Variants in KAT8 observed in about 807,000 individuals in gnomAD.
KAT8 encodes the protein histone acetyltransferase KAT8.
A neutral mutation model predicts 62.9 loss-of-function variants in KAT8; 40 were observed. That is an observed-to-expected ratio of 0.64 (90% CI 0.49 to 0.83). The LOEUF (loss-of-function observed/expected upper bound fraction) is 0.83, where lower values mean the gene tolerates loss of function less well. Among genes scored for constraint, KAT8 ranks in the 40% least tolerant of loss-of-function variants. The pLI is 0.00. For synonymous variants in KAT8, 278 were observed against 254.5 expected, an observed-to-expected ratio of 1.09 and a Z score of -0.88; for missense variants, 387 against 614.8, an observed-to-expected ratio of 0.63 and a Z score of 3.92.
At chr16:31,122,606 G>C (rs1316584107) in intron 3 of KAT8, 1 of 152,212 alleles carries the variant, frequency 6.6e-6, no homozygotes, top group Non-Finnish European at 1.5e-5. Flanking sequence ...TTAGCTGGGC[G>C]CGGTGGCTTA....
At chr16:31,124,341 A>T (rs748741389) in intron 3 of KAT8, among the ~76,000 whole-genome samples, 3 of 152,220 alleles carry the variant, frequency 2.0e-5, no homozygotes, top group Non-Finnish European at 4.4e-5. Flanking sequence ...CATTGTGAGG[A>T]ACAAAATGAA....
intron 6 of KAT8, 130 bp from the exon 7 acceptor site, chr16:31,129,887 T>C: frequency 1.0e-6 from 1 of 995,544 alleles, no homozygotes; most frequent in Non-Finnish European, 1.5e-6. Flanking sequence ...GACCGAAGAC[T>C]CCTTCCAGTG....
At position 31,130,073 on chromosome 16, in the gene KAT8, G is replaced by A. The variant is rs751598293; in HGVS notation, c.828G>A (p.Leu276=). 3.7e-6 allele frequency: 6 copies of A among 1,613,546 alleles called. No individual in the cohort carries two copies. The highest frequency in any genetic ancestry group is 1.7e-5 in the Admixed American group (1 of 59,896). ...LAKLFLDHKT[L]YFDVEPFVFY... The stretch of plus-strand genomic sequence containing the variant: ...AGCTTTTCCTGGACCATAAGACACT[G>A]TACTTTGACGTGGAGCCGTTCGTCT... Residue 276 remains leucine, a synonymous_variant, in exon 7 of 11, where the codon CTG becomes CTA. Coordinates refer to ENST00000219797, the MANE Select transcript of KAT8 (RefSeq NM_032188.3).
intron 3 of KAT8, chr16:31,123,958 T>TA (rs1475435632): frequency 1.3e-5 from 2 of 152,216 alleles, no homozygotes; most frequent in African/African-American, 2.4e-5. Context: ...CCAGTGGTGA[T>TA]AAAATCAAAG....
chr16:31,119,542 C>T (rs1239434146), intron 1 of KAT8, among the ~76,000 whole-genome samples: 1 of 152,218 alleles, frequency 6.6e-6, no homozygotes, highest in African/African-American at 2.4e-5. Context: ...GTAAAATGAG[C>T]ATTGAATTTA....
chr16:31,130,495 C>T lies in KAT8; in HGVS notation c.1046C>T (p.Pro349Leu), dbSNP rs371895942. ...LSKLESTVGS[P>L]EKPLSDLGKL... is the part of the protein sequence containing the mutation. ...AAGCTGGAGAGCACAGTCGGCTCCC[C>T]GGAGAAGCCACTGTCTGACCTGGGC... The change falls in exon 9 of 11, where the codon CCG becomes CTG. Residue 349 changes from proline to leucine, a missense_variant. This residue lies in a region of KAT8 where 141 missense variants were observed against 222.5 expected (regional missense o/e 0.63). Transcript: ENST00000219797. 17 of 1,613,956 alleles carry T rather than the reference C, an allele frequency of 1.1e-5. No individual in the cohort carries two copies. The highest frequency in any genetic ancestry group is 4.0e-5 in the African/African-American group (3 of 74,922).
intron 3 of KAT8, among the ~76,000 whole-genome samples, chr16:31,123,340 C>G (rs1197960958): frequency 6.6e-6 from 1 of 152,064 alleles, no homozygotes; most frequent in African/African-American, 2.4e-5. Flanking sequence ...CCGCAGCCTC[C>G]CAAGTAGCTG....
intron 3 of KAT8, chr16:31,123,687 T>C (rs1263150973): frequency 2.0e-5 from 3 of 152,186 alleles, no homozygotes; most frequent in African/African-American, 7.2e-5. Flanking sequence ...TTATTTTTTA[T>C]TTTTAGTAGA....
In KAT8 at chr16:31,120,372, A is replaced by G. The variant is rs774472230; in HGVS notation, c.320A>G (p.Asn107Ser). The part of the protein sequence containing the change: ...NRRLDEWVDK[N>S]RLALTKTVKD... Reference sequence around the variant, plus strand: ...CGGCTGGACGAGTGGGTAGACAAGAACCGGCTGGCGCTGACCAAGACAGTG... The same window carrying G: ...CGGCTGGACGAGTGGGTAGACAAGAGCCGGCTGGCGCTGACCAAGACAGTG... Residue 107 changes from asparagine (N) to serine (S), a missense_variant, in exon 3 of 11, where the codon AAC becomes AGC. Coordinates refer to ENST00000219797, the MANE Select transcript of KAT8 (RefSeq NM_032188.3). 2.5e-6 allele frequency: 4 copies of G among 1,614,020 alleles called. No individual in the cohort carries two copies. In the South Asian group the frequency reaches 4.4e-5, roughly 18 times the overall value.
chr16:31,130,207 G>A, intron 7 of KAT8, 50 bp downstream of exon 7: 1 of 1,612,780 alleles, frequency 6.2e-7, no homozygotes, highest in Non-Finnish European at 8.5e-7. Flanking sequence ...GGCGAAGGTG[G>A]GCATGAACAG....
At chr16:31,127,569 C>T (rs1390622671) in intron 5 of KAT8, among the ~76,000 whole-genome samples, 9 of 152,206 alleles carry the variant, frequency 5.9e-5, no homozygotes, top group Admixed American at 5.2e-4. Context: ...GACCTCAGCT[C>T]CTCTTCTCTG....
rs564866253 is a variant in KAT8, at chr16:31,118,190, C to G, written c.211+298C>G. ...TCTTAGGCTTCATTCCTTTTTCTTGCTAACGCTGCTTCCTCACCCTCTCTT... is the reference window on the plus strand; with the variant it reads ...TCTTAGGCTTCATTCCTTTTTCTTGGTAACGCTGCTTCCTCACCCTCTCTT... On this transcript the variant is annotated intron_variant, in intron 1 of 10. Coordinates refer to ENST00000219797, the MANE Select transcript of KAT8 (RefSeq NM_032188.3). The G allele has an allele frequency of 5.5e-5, 18 of 324,686 alleles. 1 individual carries two copies. In the East Asian group the frequency reaches 5.6e-4, roughly 10 times the overall value. 20.1% of individuals were successfully genotyped at this position (324,686 alleles called of 1,614,324 possible). A position where few individuals can be genotyped will look rare whatever the true frequency, so the allele number is the denominator to read the frequency against.
chr16:31,120,760 G>A (rs1315022830), intron 3 of KAT8: 1 of 451,086 alleles, frequency 2.2e-6, no homozygotes, highest in Non-Finnish European at 4.0e-6. Flanking sequence ...TCAGGCCTCC[G>A]GCACTGGTAG....
chr16:31,127,402 C>G, intron 5 of KAT8, 49 bp downstream of exon 5: 1 of 1,599,828 alleles, frequency 6.3e-7, no homozygotes, highest in Non-Finnish European at 8.5e-7. Flanking sequence ...CGGTGAGAGG[C>G]AGAGGCAGGC....
At chr16:31,121,664 A>G (rs1333147301) in intron 3 of KAT8, among the ~76,000 whole-genome samples, 4 of 152,106 alleles carry the variant, frequency 2.6e-5, no homozygotes, top group Non-Finnish European at 5.9e-5. Context: ...TTCCTGCCTT[A>G]GCCTTCTAAG....
At position 31,127,159 on chromosome 16, in the gene KAT8, C is replaced by T. The variant is rs540971603; in HGVS notation, c.517-30C>T. The T allele has an allele frequency of 4.3e-6, 7 of 1,614,040 alleles. No homozygotes were observed. The East Asian group carries it at 1.3e-4, about 31-fold the overall frequency. On this transcript the variant is annotated intron_variant, in intron 4 of 10. Coordinates refer to ENST00000219797, the MANE Select transcript of KAT8 (RefSeq NM_032188.3). The stretch of plus-strand genomic sequence containing the variant: ...GCCGAGGAGCCCCTGCTGAGCCGTG[C>T]ACTGTGCCTCACTCCCACCCTGCCT...
At chr16:31,123,184 C>A (rs2057509771) in intron 3 of KAT8, among the ~76,000 whole-genome samples, 1 of 150,676 alleles carries the variant, frequency 6.6e-6, no homozygotes, top group African/African-American at 2.4e-5. Context: ...AAGACTGTCT[C>A]AAAAAAAAAT....
intron 3 of KAT8, chr16:31,120,840 A>G (rs917840878): frequency 3.7e-6 from 1 of 270,706 alleles, no homozygotes; most frequent in Non-Finnish European, 7.1e-6. Flanking sequence ...AAAGACGAGA[A>G]TGTTATTCGG....
chr16:31,122,241 A>G (rs1476419804), intron 3 of KAT8: 4 of 152,224 alleles, frequency 2.6e-5, no homozygotes, highest in Non-Finnish European at 5.9e-5. Flanking sequence ...AGATAGAAAA[A>G]TCAGGGTGTT....
Sources: allele counts gnomAD v4.1 joint callset (sites outside exome capture counted in the v4.1 genomes callset), GRCh38; gene constraint gnomAD v4.1.1; regional missense constraint gnomAD v4.1.1; transcripts MANE v1.5; gene names NCBI Gene and HGNC (gene_info 2026-07-23, HGNC 2026-07-21).